Variants in PHF21B observed in about 807,000 individuals in gnomAD.
PHF21B encodes PHD finger protein 21B, also known as PHD finger protein 4.
PHF21B carries 22 observed loss-of-function variants against 62.2 expected under a neutral mutation model. The observed-to-expected ratio is 0.35, with a 90% CI of 0.25 to 0.51. The LOEUF (loss-of-function observed/expected upper bound fraction) is 0.51, where lower values mean the gene tolerates loss of function less well. Among genes scored for constraint, PHF21B ranks in the 20% least tolerant of loss-of-function variants. PHF21B has a pLI of 0.97. For missense variants in PHF21B, 701 were observed against 707.9 expected (o/e 0.99, Z 0.11); for synonymous variants, 341 against 314.7 (o/e 1.08, Z -0.88).
intron 7 of PHF21B, 110 bp downstream of exon 7, chr22:44,893,347 C>T (rs1027749847): frequency 2.3e-5 from 23 of 1,019,736 alleles, no homozygotes; most frequent in Middle Eastern, 5.6e-4. Context: ...GAGGGACAGA[C>T]GAGGGGGGTG....
chr22:45,008,855 G>A (rs1357523502), intron 1 of PHF21B: 7 of 1,180,014 alleles, frequency 5.9e-6, no homozygotes, highest in African/African-American at 1.6e-5. Flanking sequence ...GCCACCCGGC[G>A]GCGCGCCCCG....
At chr22:44,926,417 G>A (rs924068254) in intron 2 of PHF21B, among the ~76,000 whole-genome samples, 19 of 152,360 alleles carry the variant, frequency 1.2e-4, no homozygotes, top group Admixed American at 5.2e-4. Context: ...GCACGAACCT[G>A]TTTTGCTGGG....
intron 2 of PHF21B, among the ~76,000 whole-genome samples, chr22:44,967,389 T>G (rs2072549347): frequency 6.6e-6 from 1 of 151,774 alleles, no homozygotes; most frequent in African/African-American, 2.4e-5. Flanking sequence ...CCTGGCTAAT[T>G]TTTTTGTATT....
intron 2 of PHF21B, among the ~76,000 whole-genome samples, chr22:44,941,350 G>A (rs1569242516): frequency 6.6e-6 from 1 of 152,318 alleles, no homozygotes; most frequent in South Asian, 2.1e-4. Context: ...GCCCTTCCAG[G>A]GCTGTTTGCC....
At position 44,882,635 on chromosome 22, in the gene PHF21B, A is replaced by T; in HGVS notation, c.*451T>A. 7.0e-6 allele frequency: 1 copy of T among 142,838 alleles called. No homozygotes were observed. Among genetic ancestry groups the T allele is most frequent in the Non-Finnish European group, 1.5e-5 (1 of 68,540 alleles). 8.8% of individuals were successfully genotyped at this position (142,838 alleles called of 1,614,324 possible). A position where few individuals can be genotyped will look rare whatever the true frequency, so the allele number is the denominator to read the frequency against. ...GCTTCTCGTCCCAACTACCGCTACC[A>T]CTCAGCTAGTCCATGTGTTCTCAGC... On this transcript the variant is annotated 3_prime_UTR_variant, in exon 13 of 13. Transcript: ENST00000313237.
chr22:44,915,755 G>A (rs551357096), intron 4 of PHF21B, among the ~76,000 whole-genome samples: 1 of 152,332 alleles, frequency 6.6e-6, no homozygotes, highest in South Asian at 2.1e-4. Context: ...CAGCCCCGAA[G>A]GCCTCAAACA....
intron 2 of PHF21B, chr22:44,989,642 C>T (rs957247824): frequency 7.2e-6 from 1 of 139,036 alleles, no homozygotes; most frequent in East Asian, 2.2e-4. Context: ...ACGAGTCTCA[C>T]TCTGTCACCC....
chr22:44,908,455 C>T (rs1281895141), intron 5 of PHF21B, among the ~76,000 whole-genome samples: 1 of 152,148 alleles, frequency 6.6e-6, no homozygotes, highest in Non-Finnish European at 1.5e-5. Context: ...CCCCATGGTG[C>T]ATGGGTCACT....
At chr22:44,967,101 ACT>A (rs2147436813) in intron 2 of PHF21B, 1 of 149,888 alleles carries the variant, frequency 6.7e-6, no homozygotes, top group East Asian at 1.9e-4. Context: ...TTCTCCAACC[ACT>A]GAGTCCCCTG....
intron 5 of PHF21B, among the ~76,000 whole-genome samples, chr22:44,910,523 T>G (rs2071326827): frequency 6.6e-6 from 1 of 152,148 alleles, no homozygotes; most frequent in Non-Finnish European, 1.5e-5. Flanking sequence ...GTCTTTCCTG[T>G]GCTGTTCTTG....
chr22:44,972,737 G>C (rs1231986823), intron 2 of PHF21B, among the ~76,000 whole-genome samples: 1 of 152,246 alleles, frequency 6.6e-6, no homozygotes, highest in Non-Finnish European at 1.5e-5. Flanking sequence ...AGGTGGAGCT[G>C]AGCTTCTCCT....
chr22:44,980,854 A>T (rs2072828366), intron 2 of PHF21B, among the ~76,000 whole-genome samples: 1 of 152,208 alleles, frequency 6.6e-6, no homozygotes, highest in African/African-American at 2.4e-5. Context: ...AGGAAGCAGC[A>T]TCTGTCACCC....
intron 2 of PHF21B, among the ~76,000 whole-genome samples, chr22:44,982,051 AGG>A (rs1201529653): frequency 1.3e-5 from 2 of 152,182 alleles, no homozygotes; most frequent in Non-Finnish European, 2.9e-5. Context: ...ACCAGCCCCG[AGG>A]GAACGGGGGT....
chr22:44,884,802 A>G (rs976093455), intron 12 of PHF21B, among the ~76,000 whole-genome samples: 2 of 148,630 alleles, frequency 1.3e-5, no homozygotes, highest in Non-Finnish European at 3.0e-5. Context: ...GACCAACACC[A>G]TATCATCATC....
At chr22:44,896,770 C>G (rs892258213) in intron 5 of PHF21B, among the ~76,000 whole-genome samples, 1 of 152,000 alleles carries the variant, frequency 6.6e-6, no homozygotes, top group African/African-American at 2.4e-5. Context: ...GACCATTTCT[C>G]CAGTTTTGTA....
intron 2 of PHF21B, among the ~76,000 whole-genome samples, chr22:44,933,811 G>GT (rs2071791537): frequency 6.6e-6 from 1 of 152,130 alleles, no homozygotes; most frequent in Non-Finnish European, 1.5e-5. Context: ...GAATGAATCT[G>GT]TGTGTACCCT....
At chr22:44,930,637 G>A (rs2071723178) in intron 2 of PHF21B, among the ~76,000 whole-genome samples, 1 of 152,204 alleles carries the variant, frequency 6.6e-6, no homozygotes, top group Non-Finnish European at 1.5e-5. Flanking sequence ...AGCTCCCAAA[G>A]GTGGACAGTG....
intron 3 of PHF21B, 24 bp downstream of exon 3, chr22:44,920,374 A>C (rs1361896680): frequency 1.9e-6 from 3 of 1,581,268 alleles, no homozygotes; most frequent in Non-Finnish European, 2.6e-6. Flanking sequence ...CGGACACCCC[A>C]GGGCCCGCCC....
chr22:44,899,662 T>TTC (rs1796160760), intron 5 of PHF21B, among the ~76,000 whole-genome samples: 1 of 152,022 alleles, frequency 6.6e-6, no homozygotes, highest in African/African-American at 2.4e-5. Context: ...CTCTCCTTCC[T>TTC]TCTCCTCTTC....
Sources: gnomAD v4.1 joint callset for allele counts (sites outside exome capture counted in the v4.1 genomes callset) on GRCh38, gnomAD v4.1.1 for gene constraint, MANE v1.5 for transcripts, NCBI Gene and HGNC (gene_info 2026-07-23, HGNC 2026-07-21) for gene names.